The following CASP1 variants were observed in gnomAD, a reference collection of about 807,000 sequenced individuals.
The protein encoded by CASP1 is caspase 1.
Under a neutral mutation model 41.2 loss-of-function variants are expected in CASP1, and 31 were observed. That is an observed-to-expected ratio of 0.75 (90% CI 0.57 to 1.02). The LOEUF (loss-of-function observed/expected upper bound fraction) is 1.02. CASP1 is among the 50% of genes least tolerant of loss of function. The pLI is 0.00. For synonymous variants in CASP1, 163 were observed against 166.5 expected, an observed-to-expected ratio of 0.98 and a Z score of 0.16; for missense variants, 490 against 495.7, an observed-to-expected ratio of 0.99 and a Z score of 0.11.
chr11:105,029,893 T>G lies in CASP1; in HGVS notation c.634A>C (p.Thr212Pro). 1 of 1,610,938 alleles carries G rather than the reference T, an allele frequency of 6.2e-7. No homozygotes were observed. The highest frequency in any genetic ancestry group is 8.5e-7 in the Non-Finnish European group (1 of 1,177,204). ...TGTGCAAATGCCTCCAGCTCTGTAG[T>G]CATGTCCTGAAAGACACCATATCAC... is the stretch of plus-strand genomic sequence containing the variant. ...VKKNLTASDMTTELEAFAHRP... is the reference protein window; with the variant it reads ...VKKNLTASDMPTELEAFAHRP... Residue 212 changes from threonine (T) to proline (P), a missense_variant, in exon 6 of 9, where the codon ACT becomes CCT. Physicochemically the swap from Thr to Pro is conservative, Grantham distance 38. Coordinates refer to ENST00000533400, the MANE Select transcript of CASP1 (RefSeq NM_001257118.3).
At chr11:105,035,618 G>GTTTTTTTTTTTTTTTTTTTTTTTT (rs56746743), upstream of CASP1, among the ~76,000 whole-genome samples, 154 of 103,408 alleles carry the variant, frequency 1.5e-3, 4 homozygotes, top group Non-Finnish European at 1.9e-3. Context: ...TTTTCTTTCT[G>GTTTTTTTTTTTTTTTTTTTTTTTT]TTTTTTTTTT....
At chr11:105,032,631 A>G (rs766117789) in intron 3 of CASP1, among the ~76,000 whole-genome samples, 5 of 152,194 alleles carry the variant, frequency 3.3e-5, no homozygotes, top group Non-Finnish European at 7.4e-5. Flanking sequence ...TTAGAGGTGC[A>G]TGAGAAGGAA....
At chr11:105,036,037 C>A (rs1864004737), upstream of CASP1, among the ~76,000 whole-genome samples, 1 of 152,250 alleles carries the variant, frequency 6.6e-6, no homozygotes, top group Middle Eastern at 3.4e-3. Flanking sequence ...CTTCCCTATG[C>A]ATTGGTTCCT....
chr11:105,033,151 A>C lies in CASP1; in HGVS notation c.275-25T>G. 3 of 1,387,756 alleles carry C rather than the reference A, an allele frequency of 2.2e-6. No individual in the cohort carries two copies. In the African/African-American group the frequency reaches 4.3e-5, roughly 20 times the overall value. The allele number at this position is 1,387,756 out of a possible 1,614,324, so 86.0% of individuals were successfully genotyped here. ...TCTATGAAAAGATAAAGGGTATTGA[A>C]GTAGTCACTTATCATCTCTGGAAAA... On this transcript the variant is annotated intron_variant, in intron 2 of 8. Coordinates refer to ENST00000533400, the MANE Select transcript of CASP1 (RefSeq NM_001257118.3).
In CASP1 at chr11:105,029,262, G is replaced by A. The variant is rs1863520270; in HGVS notation, c.868C>T (p.Pro290Ser). ...GAATCTTTAAACCACACCACACCAG[G>A]GCTGTCTGGAAAGACACAGTTTGAT... is the stretch of plus-strand genomic sequence containing the variant. ...IIIQACRGDS[P>S]GVVWFKDSVG... is the part of the protein sequence containing the mutation. The change falls in exon 7 of 9, where the codon CCT (proline) becomes TCT (serine). Residue 290 changes from proline (P) to serine (S), a missense_variant. Physicochemically the swap from Pro to Ser is moderately conservative, Grantham distance 74. Transcript: ENST00000533400. The A allele has an allele frequency of 2.5e-6, 4 of 1,610,222 alleles. No individual in the cohort carries two copies. The highest frequency in any genetic ancestry group is 1.7e-6 in the Non-Finnish European group (2 of 1,178,780).
At chr11:105,029,011 C>A in intron 7 of CASP1, 113 bp downstream of exon 7, 1 of 967,050 alleles carries the variant, frequency 1.0e-6, no homozygotes, top group South Asian at 1.7e-5. Flanking sequence ...CTGTGTATAA[C>A]TTGGAACAAA....
rs372086428 is a variant in CASP1, at chr11:105,033,072, G to A, written c.329C>T (p.Ser110Phe). 3.2e-6 allele frequency: 5 copies of A among 1,576,108 alleles called. No homozygotes were observed. Among genetic ancestry groups the A allele is most frequent in the Non-Finnish European group, 3.5e-6 (4 of 1,147,682 alleles). The change falls in exon 3 of 9, where the codon TCC (serine) becomes TTC (phenylalanine). Residue 110 changes from serine (S) to phenylalanine (F), a missense_variant. By Grantham distance (155) the Ser-to-Phe change is radical. Coordinates refer to ENST00000533400, the MANE Select transcript of CASP1 (RefSeq NM_001257118.3). ...TTTAAAAACAGCATTACCTGGAAAG[G>A]AAGAAAGTACTCCTTGAGAGTCTTG... The part of the protein sequence containing the change: ...NMQDSQGVLS[S>F]FPAPQAVQDN...
At chr11:105,027,235 C>A in intron 7 of CASP1, 1 of 587,506 alleles carries the variant, frequency 1.7e-6, no homozygotes, top group East Asian at 2.8e-5. Flanking sequence ...ACTCCATACA[C>A]AAGAGGTATC....
chr11:105,033,949 T>G (rs1863856775), intron 2 of CASP1: 3 of 756,796 alleles, frequency 4.0e-6, no homozygotes, highest in South Asian at 1.4e-5. Flanking sequence ...TTTCAGATGG[T>G]TCTCAAGAGC....
intron 7 of CASP1, 112 bp from the exon 8 acceptor site, chr11:105,027,063 G>A (rs1863351929): frequency 1.4e-6 from 1 of 737,136 alleles, no homozygotes; most frequent in Non-Finnish European, 2.4e-6. Context: ...AAATTTAGTA[G>A]CAAATAAGGA....
intron 7 of CASP1, among the ~76,000 whole-genome samples, chr11:105,028,223 G>C (rs1863444448): frequency 2.0e-5 from 3 of 152,074 alleles, no homozygotes; most frequent in Admixed American, 2.0e-4. Flanking sequence ...GTAGAACCAA[G>C]CTTCTTCTGA....
chr11:105,027,290 C>A, intron 7 of CASP1: 1 of 511,038 alleles, frequency 2.0e-6, no homozygotes, highest in Non-Finnish European at 3.5e-6. Context: ...ATGCAATACT[C>A]AGTCTACATG....
Position 105,026,904 on chromosome 11 carries a change from T to C in CASP1, c.1054A>G (p.Arg352Gly). The C allele has an allele frequency of 6.2e-7, 1 of 1,611,276 alleles. No homozygotes were observed. The stretch of plus-strand genomic sequence containing the variant: ...TATTCTTGCATATGTTCAATGAGTC[T>C]TCCAATAAAAACAGAGCCCATTGTG... Reference protein sequence around the residue: ...HPTMGSVFIGRLIEHMQEYAC... With the variant: ...HPTMGSVFIGGLIEHMQEYAC... The change falls in exon 8 of 9, where the codon AGA becomes GGA. Residue 352 changes from arginine (R) to glycine (G), a missense_variant. By Grantham distance (125) the Arg-to-Gly change is moderately radical. Transcript: ENST00000533400.
At position 105,026,855 on chromosome 11, in the gene CASP1, T is replaced by A. The variant is rs893691375; in HGVS notation, c.1103A>T (p.Glu368Val). The A allele has an allele frequency of 6.9e-6, 11 of 1,590,822 alleles. No individual in the cohort carries two copies. Among genetic ancestry groups the A allele is most frequent in the Non-Finnish European group, 9.5e-6 (11 of 1,159,060 alleles). ...QEYACSCDVE[E>V]IFRKVRFSFE... ...CTAGCATCTTACCTTGCGGAAAATT[T>A]CCTCCACATCACAGGAACAGGCATA... is the stretch of plus-strand genomic sequence containing the variant. Residue 368 changes from glutamate to valine, a missense_variant, in exon 8 of 9, where the codon GAA becomes GTA. Glu to Val is a moderately radical substitution (Grantham distance 121). Coordinates refer to ENST00000533400, the MANE Select transcript of CASP1 (RefSeq NM_001257118.3).
chr11:105,033,105 A>AGG lies in CASP1; in HGVS notation c.294_295dup (p.Leu99ProfsTer41). On this transcript the variant is annotated frameshift_variant, in exon 3 of 9. Transcript: ENST00000533400. LOFTEE classifies it high-confidence loss of function. ...TACTCCTTGAGAGTCTTGCATATTA[A>AGG]GGTAATTTCCAGATGTTTGATCTAT... 6.3e-7 allele frequency: 1 copy of AGG among 1,586,470 alleles called. No homozygotes were observed. The highest frequency in any genetic ancestry group is 1.3e-5 in the African/African-American group (1 of 74,354).
intron 3 of CASP1, 51 bp downstream of exon 3, chr11:105,033,013 G>A: frequency 8.9e-7 from 1 of 1,120,064 alleles, no homozygotes; most frequent in Non-Finnish European, 1.4e-6. Context: ...CAAAATTAAT[G>A]TCAAGGAAGA....
At position 105,026,241 on chromosome 11, in the gene CASP1, C is replaced by T. The variant is rs367928083; in HGVS notation, c.*17G>A. ...ACACATGTACCTGCCCACAGACATT[C>T]ATACAGTTTCCTTATTTTAATGTCC... On this transcript the variant is annotated 3_prime_UTR_variant, in exon 9 of 9. Transcript: ENST00000533400. 1 of 1,500,370 alleles carries T rather than the reference C, an allele frequency of 6.7e-7. No homozygotes were observed. Among genetic ancestry groups the T allele is most frequent in the South Asian group, 1.1e-5 (1 of 88,656 alleles). The allele number at this position is 1,500,370 out of a possible 1,614,324, so 92.9% of individuals were successfully genotyped here.
At chr11:105,027,490 T>C (rs1211329834) in intron 7 of CASP1, among the ~76,000 whole-genome samples, 1 of 151,980 alleles carries the variant, frequency 6.6e-6, no homozygotes, top group Non-Finnish European at 1.5e-5. Flanking sequence ...AAAGTTCTTA[T>C]GAAGAAGAGA....
chr11:105,026,690 G>GT, intron 8 of CASP1, 152 bp downstream of exon 8: 1 of 618,544 alleles, frequency 1.6e-6, no homozygotes, highest in Admixed American at 2.9e-5. Flanking sequence ...AGGCTCCTGG[G>GT]TTTGTCCACT....
Sources: gnomAD v4.1 joint callset for allele counts (sites outside exome capture counted in the v4.1 genomes callset) on GRCh38, gnomAD v4.1.1 for gene constraint, MANE v1.5 for transcripts, NCBI Gene and HGNC (gene_info 2026-07-23, HGNC 2026-07-21) for gene names.